The following MKLN1 variants were observed in gnomAD, a reference collection of about 807,000 sequenced individuals.
The protein encoded by MKLN1 is muskelin.
Under a neutral mutation model 99.0 loss-of-function variants are expected in MKLN1, and 18 were observed. That is an observed-to-expected ratio of 0.18 (90% CI 0.13 to 0.27). The LOEUF is 0.27. MKLN1 is among the 10% of genes least tolerant of loss of function. MKLN1 has a pLI of 1.00. For synonymous variants in MKLN1, 288 were observed against 293.2 expected, an observed-to-expected ratio of 0.98 and a Z score of 0.18; for missense variants, 621 against 875.9, an observed-to-expected ratio of 0.71 and a Z score of 3.67.
intron 1 of MKLN1, among the ~76,000 whole-genome samples, chr7:131,136,069 C>G (rs1351085574): frequency 1.3e-5 from 2 of 152,168 alleles, no homozygotes; most frequent in African/African-American, 2.4e-5. Flanking sequence ...GCAATTTTAT[C>G]TCCTCCTGGC....
At chr7:131,117,520 G>T (rs1795296982) in intron 1 of MKLN1, among the ~76,000 whole-genome samples, 1 of 152,114 alleles carries the variant, frequency 6.6e-6, no homozygotes, top group African/African-American at 2.4e-5. Context: ...TTAAAAGTTT[G>T]AGACAATTCT....
intron 9 of MKLN1, among the ~76,000 whole-genome samples, chr7:131,434,679 C>G (rs1795626050): frequency 6.6e-6 from 1 of 152,076 alleles, no homozygotes; most frequent in South Asian, 2.1e-4. Flanking sequence ...TCAGTCTCCC[C>G]AGTAGCTGGG....
chr7:131,351,806 GACA>G (rs1179387392), intron 1 of MKLN1, among the ~76,000 whole-genome samples: 6 of 152,284 alleles, frequency 3.9e-5, no homozygotes, highest in African/African-American at 1.4e-4. Flanking sequence ...ATGTGGTGGT[GACA>G]ACTTTTTTGT....
At chr7:131,301,127 C>T (rs1798372037) in intron 3 of MKLN1, among the ~76,000 whole-genome samples, 1 of 152,144 alleles carries the variant, frequency 6.6e-6, no homozygotes, top group Admixed American at 6.5e-5. Context: ...TAGGCCCCAC[C>T]CCTAATATGT....
At chr7:131,264,269 C>T (rs1245415872) in intron 3 of MKLN1, among the ~76,000 whole-genome samples, 1 of 152,184 alleles carries the variant, frequency 6.6e-6, no homozygotes, top group Non-Finnish European at 1.5e-5. Flanking sequence ...CACTCCTCCC[C>T]TAACTTCAGA....
intron 3 of MKLN1, among the ~76,000 whole-genome samples, chr7:131,237,013 G>A (rs1430762564): frequency 6.6e-6 from 1 of 152,036 alleles, no homozygotes; most frequent in Non-Finnish European, 1.5e-5. Context: ...CAAAAAAAAT[G>A]ATGGAGAAAA....
intron 3 of MKLN1, among the ~76,000 whole-genome samples, chr7:131,217,354 G>A (rs138327516): frequency 6.0e-4 from 92 of 152,276 alleles, no homozygotes; most frequent in Admixed American, 9.8e-4. Flanking sequence ...AGATCCCTGT[G>A]CAACTAAAAA....
intron 15 of MKLN1, among the ~76,000 whole-genome samples, chr7:131,469,162 A>T (rs1318576274): frequency 3.3e-5 from 5 of 152,062 alleles, no homozygotes; most frequent in Admixed American, 3.3e-4. Flanking sequence ...AGATGCATAG[A>T]TAGATAGGTA....
At chr7:131,244,582 C>T (rs1159557022) in intron 3 of MKLN1, among the ~76,000 whole-genome samples, 1 of 152,118 alleles carries the variant, frequency 6.6e-6, no homozygotes, top group Non-Finnish European at 1.5e-5. Context: ...CTATGGACAG[C>T]CTTGAAGCTA....
At chr7:131,397,925 G>A (rs547349025) in intron 5 of MKLN1, among the ~76,000 whole-genome samples, 2 of 152,254 alleles carry the variant, frequency 1.3e-5, no homozygotes, top group East Asian at 1.9e-4. Context: ...GTTATGATAA[G>A]TCTTTTTTAG....
chr7:131,340,411 T>G (rs1799374783), intron 1 of MKLN1, among the ~76,000 whole-genome samples: 3 of 150,490 alleles, frequency 2.0e-5, no homozygotes. Flanking sequence ...CCCAAGTAGC[T>G]GGGACTACAG....
At chr7:131,168,873 T>TC (rs1796174456) in intron 2 of MKLN1, among the ~76,000 whole-genome samples, 1 of 150,594 alleles carries the variant, frequency 6.6e-6, no homozygotes, top group African/African-American at 2.4e-5. Flanking sequence ...TGTTTTCTTT[T>TC]TTTTTTTTTT....
chr7:131,364,136 A>G (rs1018357886), intron 1 of MKLN1, among the ~76,000 whole-genome samples: 2 of 152,128 alleles, frequency 1.3e-5, no homozygotes, highest in South Asian at 2.1e-4. Flanking sequence ...TTATAGCTGG[A>G]GATATTAAAA....
chr7:131,123,289 A>G (rs1795404756), intron 1 of MKLN1, among the ~76,000 whole-genome samples: 1 of 152,250 alleles, frequency 6.6e-6, no homozygotes, highest in African/African-American at 2.4e-5. Context: ...GAAAGGAAAT[A>G]ATCTAGGCCT....
chr7:131,377,035 T>C (rs1469144293), intron 2 of MKLN1, among the ~76,000 whole-genome samples: 1 of 152,198 alleles, frequency 6.6e-6, no homozygotes, highest in African/African-American at 2.4e-5. Flanking sequence ...AGTATTCCTG[T>C]GTATAAATAT....
At chr7:131,337,608 A>G (rs1446629416) in intron 1 of MKLN1, among the ~76,000 whole-genome samples, 4 of 151,954 alleles carry the variant, frequency 2.6e-5, no homozygotes, top group African/African-American at 7.2e-5. Flanking sequence ...TTTTTTGAGC[A>G]TATTAATCAA....
chr7:131,158,214 CG>C (rs1795996713), intron 2 of MKLN1, among the ~76,000 whole-genome samples: 1 of 152,012 alleles, frequency 6.6e-6, no homozygotes, highest in African/African-American at 2.4e-5. Context: ...CTGAGGCAGG[CG>C]GATCACCTGA....
chr7:131,175,246 G>GGATAGATAGATAGATAGATA (rs760615190), intron 2 of MKLN1, among the ~76,000 whole-genome samples: 1 of 50,936 alleles, frequency 2.0e-5, no homozygotes, highest in Non-Finnish European at 3.6e-5. Flanking sequence ...ATGGATGGAT[G>GGATAGATAGATAGATAGATA]GATAGATAGA....
chr7:131,139,925 G>C (rs568810605), intron 1 of MKLN1, among the ~76,000 whole-genome samples: 1 of 152,290 alleles, frequency 6.6e-6, no homozygotes, highest in South Asian at 2.1e-4. Context: ...GAGGTCAGCT[G>C]AGCTGACACG....
Sources: allele counts gnomAD v4.1 joint callset (sites outside exome capture counted in the v4.1 genomes callset), GRCh38; gene constraint gnomAD v4.1.1; transcripts MANE v1.5; gene names NCBI Gene and HGNC (gene_info 2026-07-23, HGNC 2026-07-21).